DCDC2C: variants seen among roughly 807,000 people sequenced by gnomAD.
DCDC2C encodes the protein doublecortin domain containing 2C, also known as doublecortin domain-containing protein 2C.
In DCDC2C, 44 loss-of-function variants were observed where a neutral mutation model predicts 45.0. That is an observed-to-expected ratio of 0.98 (90% CI 0.77 to 1.26). The LOEUF (loss-of-function observed/expected upper bound fraction) is 1.26, where lower values mean the gene tolerates loss of function less well. Among genes scored for constraint, DCDC2C ranks in the 50% most tolerant of loss-of-function variants. The pLI is 0.00. For missense variants in DCDC2C, 447 were observed against 468.9 expected (o/e 0.95, Z 0.43); for synonymous variants, 187 against 178.8 (o/e 1.05, Z -0.37).
chr2:3,818,923 T>A lies in DCDC2C; in HGVS notation c.1066-28231T>A, dbSNP rs765695802. Among the ~76,000 whole-genome samples the A allele has an allele frequency of 2.0e-5, 3 of 152,052 alleles. No homozygotes were observed. The highest frequency in any genetic ancestry group is 4.4e-5 in the Non-Finnish European group (3 of 68,000). ...GTGGGGATAACTAAAAAGGAGTGCA[T>A]AAAAGAATATTGTTTACGTTGGCAC... is the stretch of plus-strand genomic sequence containing the variant. On this transcript the variant is annotated intron_variant, in intron 10 of 10. Transcript: ENST00000399143. This position sits in a 1 kb window ranked among gnomAD's most constrained non-coding sequence, Gnocchi z 4.7.
intron 6 of DCDC2C, among the ~76,000 whole-genome samples, chr2:3,755,642 CAT>C (rs986876472): frequency 3.3e-5 from 5 of 151,306 alleles, no homozygotes; most frequent in Admixed American, 1.3e-4. Flanking sequence ...CCTATGACTA[CAT>C]ATGTGTGTGT....
intron 2 of DCDC2C, among the ~76,000 whole-genome samples, chr2:3,710,393 T>G (rs1199772957): frequency 6.6e-6 from 1 of 152,140 alleles, no homozygotes; most frequent in Non-Finnish European, 1.5e-5. Context: ...GTGTGTGTTG[T>G]TCCCCTCCCT....
At chr2:3,812,394 T>A (rs779722994) in intron 10 of DCDC2C, among the ~76,000 whole-genome samples, 4 of 152,198 alleles carry the variant, frequency 2.6e-5, no homozygotes, top group Non-Finnish European at 5.9e-5. Context: ...GATTCTCTGA[T>A]GCTAGTTTGT....
intron 10 of DCDC2C, among the ~76,000 whole-genome samples, chr2:3,814,696 C>A (rs1198833003): frequency 6.6e-6 from 1 of 152,364 alleles, no homozygotes; most frequent in Non-Finnish European, 1.5e-5. Context: ...ACTGTGGCCA[C>A]CCCTCCCATT....
chr2:3,771,270 C>T (rs950325515), intron 8 of DCDC2C, among the ~76,000 whole-genome samples: 5 of 152,338 alleles, frequency 3.3e-5, no homozygotes, highest in Admixed American at 2.6e-4. Flanking sequence ...CCTTGTCTCC[C>T]ACTCGCCGGG....
chr2:3,799,429 A>T (rs1423168055), intron 10 of DCDC2C, among the ~76,000 whole-genome samples: 1 of 152,110 alleles, frequency 6.6e-6, no homozygotes, highest in African/African-American at 2.4e-5. Flanking sequence ...GTTCCTTTGG[A>T]GGAGGAGAGG....
intron 10 of DCDC2C, among the ~76,000 whole-genome samples, chr2:3,822,355 GTCTT>G (rs1382467676): frequency 6.6e-6 from 1 of 152,072 alleles, no homozygotes; most frequent in African/African-American, 2.4e-5. Context: ...AGTAGTTTGT[GTCTT>G]TCTAAGAATT....
At chr2:3,704,245 C>A (rs1049892201) in intron 1 of DCDC2C, 319 of 420,264 alleles carry the variant, frequency 7.6e-4, no homozygotes, top group African/African-American at 6.0e-3. Flanking sequence ...CAGCCCCGCC[C>A]CCAGGGTCCC....
At chr2:3,794,120 CA>C (rs1286941370) in intron 10 of DCDC2C, among the ~76,000 whole-genome samples, 1 of 152,136 alleles carries the variant, frequency 6.6e-6, no homozygotes, top group Non-Finnish European at 1.5e-5. Flanking sequence ...ACTTTGAATG[CA>C]TTTTTACCCA....
chr2:3,802,947 A>G (rs979813062), intron 10 of DCDC2C, among the ~76,000 whole-genome samples: 20 of 152,304 alleles, frequency 1.3e-4, no homozygotes, highest in African/African-American at 4.8e-4. Flanking sequence ...ATCCACTTTG[A>G]AAAGCTGTTC....
At chr2:3,755,131 G>A (rs957784848) in intron 6 of DCDC2C, among the ~76,000 whole-genome samples, 7 of 151,936 alleles carry the variant, frequency 4.6e-5, no homozygotes, top group Admixed American at 3.9e-4. Context: ...ACATGTGTGT[G>A]GAGGCATGTG....
At chr2:3,763,401 G>A (rs1669936650) in intron 6 of DCDC2C, among the ~76,000 whole-genome samples, 1 of 152,368 alleles carries the variant, frequency 6.6e-6, no homozygotes, top group East Asian at 1.9e-4. Flanking sequence ...CCCACTGCCA[G>A]CCAGGCTCCT....
At chr2:3,846,958 G>A (rs1044979388) in intron 10 of DCDC2C, among the ~76,000 whole-genome samples, 196 bp from the exon 11 acceptor site, 67 of 152,302 alleles carry the variant, frequency 4.4e-4, no homozygotes, top group African/African-American at 1.5e-3. Context: ...TCTGCACGGC[G>A]GCATGTTGCC....
At chr2:3,716,618 A>T (rs538215356) in intron 2 of DCDC2C, among the ~76,000 whole-genome samples, 1 of 152,332 alleles carries the variant, frequency 6.6e-6, no homozygotes, top group East Asian at 1.9e-4. Context: ...AAGAAGTGAC[A>T]TCATGTACGT....
chr2:3,747,721 C>A (rs562262837), intron 4 of DCDC2C, among the ~76,000 whole-genome samples: 1 of 152,292 alleles, frequency 6.6e-6, no homozygotes, highest in South Asian at 2.1e-4. Context: ...ATCAATTCAA[C>A]AAATATTTAT....
chr2:3,735,301 C>G (rs528255022), intron 3 of DCDC2C, among the ~76,000 whole-genome samples: 1 of 148,436 alleles, frequency 6.7e-6, no homozygotes, highest in Non-Finnish European at 1.5e-5. Flanking sequence ...TTTAGGGTAC[C>G]CGTGCACAAT....
At chr2:3,824,422 G>GT (rs1671767821) in intron 10 of DCDC2C, among the ~76,000 whole-genome samples, 1 of 152,146 alleles carries the variant, frequency 6.6e-6, no homozygotes, top group Admixed American at 6.5e-5. Flanking sequence ...AAACCATTAC[G>GT]TATGAAAACA....
chr2:3,763,128 A>C (rs1360313688), intron 6 of DCDC2C, among the ~76,000 whole-genome samples: 1 of 152,132 alleles, frequency 6.6e-6, no homozygotes, highest in East Asian at 1.9e-4. Context: ...AACCGCTGCC[A>C]GTGTGTCCGG....
chr2:3,803,801 C>T (rs56321502), intron 10 of DCDC2C, among the ~76,000 whole-genome samples: 56,844 of 151,982 alleles, frequency 0.37, 11,471 homozygotes, highest in East Asian at 0.52. Context: ...AAGTGCACCA[C>T]GTCCTCCCTC....
Sources: allele counts gnomAD v4.1 joint callset (sites outside exome capture counted in the v4.1 genomes callset), GRCh38; gene constraint gnomAD v4.1.1; non-coding constraint Gnocchi (gnomAD v3.1); transcripts MANE v1.5; gene names NCBI Gene and HGNC (gene_info 2026-07-23, HGNC 2026-07-21).